The following TRPM3 variants were observed in gnomAD, a reference collection of about 807,000 sequenced individuals.
TRPM3 encodes long transient receptor potential channel 3.
Under a neutral mutation model 181.2 loss-of-function variants are expected in TRPM3, and 77 were observed. The observed-to-expected ratio is 0.42, with a 90% CI of 0.35 to 0.51. The LOEUF (loss-of-function observed/expected upper bound fraction) is 0.51. TRPM3 is among the 20% of genes least tolerant of loss of function. TRPM3 has a pLI of 0.01. For missense variants in TRPM3, 1,759 were observed against 2,196.7 expected (o/e 0.80, Z 3.98); for synonymous variants, 745 against 796.4 (o/e 0.94, Z 1.09).
chr9:70,988,079 A>G (rs1350219526), intron 1 of TRPM3, among the ~76,000 whole-genome samples: 1 of 152,192 alleles, frequency 6.6e-6, no homozygotes, highest in Non-Finnish European at 1.5e-5. Context: ...TGGTAAAGTA[A>G]GCAAGCTTAT....
chr9:71,287,776 C>T (rs559430864), intron 1 of TRPM3, among the ~76,000 whole-genome samples: 1 of 152,214 alleles, frequency 6.6e-6, no homozygotes, highest in East Asian at 1.9e-4. Context: ...TTCATTAACC[C>T]ATTTAATAAA....
intron 1 of TRPM3, among the ~76,000 whole-genome samples, chr9:71,042,784 A>C (rs73480105): frequency 0.059 from 8,948 of 152,254 alleles, 927 homozygotes; most frequent in African/African-American, 0.2. Context: ...AGTCCTTAAA[A>C]GGTTTTGAAT....
chr9:70,900,705 A>G (rs1432510746), intron 1 of TRPM3, among the ~76,000 whole-genome samples: 1 of 152,150 alleles, frequency 6.6e-6, no homozygotes, highest in Non-Finnish European at 1.5e-5. Flanking sequence ...TTACTACACA[A>G]CCTGACTATA....
intron 1 of TRPM3, among the ~76,000 whole-genome samples, chr9:71,151,315 C>T (rs530859232): frequency 2.6e-5 from 4 of 151,938 alleles, no homozygotes; most frequent in African/African-American, 9.6e-5. Context: ...ACCAACAATC[C>T]AAGAGAAAAA....
chr9:70,576,838 C>T (rs1220012469), intron 22 of TRPM3, among the ~76,000 whole-genome samples: 1 of 152,142 alleles, frequency 6.6e-6, no homozygotes, highest in Non-Finnish European at 1.5e-5. Flanking sequence ...AAACTCCAAT[C>T]ACACTGGCAT....
At chr9:71,433,355 T>A (rs142821616) in intron 1 of TRPM3, among the ~76,000 whole-genome samples, 91 of 152,326 alleles carry the variant, frequency 6.0e-4, no homozygotes, top group Non-Finnish European at 9.8e-4. Flanking sequence ...TCTGATGGTC[T>A]TATAATGGGC....
chr9:71,370,734 A>T (rs1049366409), intron 1 of TRPM3, among the ~76,000 whole-genome samples: 1 of 152,224 alleles, frequency 6.6e-6, no homozygotes. Context: ...ATTGAGGAAG[A>T]TGGCCACACT....
chr9:70,654,162 C>T (rs1322586962), intron 9 of TRPM3, among the ~76,000 whole-genome samples: 1 of 151,560 alleles, frequency 6.6e-6, no homozygotes, highest in Non-Finnish European at 1.5e-5. Context: ...ATTGCTTTTT[C>T]TCCCAAAATT....
intron 8 of TRPM3, among the ~76,000 whole-genome samples, chr9:70,696,494 A>C (rs1564036457): frequency 6.6e-6 from 1 of 152,206 alleles, no homozygotes; most frequent in Non-Finnish European, 1.5e-5. Context: ...AATCATAGGC[A>C]AAAGAGATAC....
At chr9:71,343,958 A>G (rs1289934681) in intron 1 of TRPM3, among the ~76,000 whole-genome samples, 2 of 152,172 alleles carry the variant, frequency 1.3e-5, no homozygotes, top group African/African-American at 4.8e-5. Context: ...TTGAGTATCA[A>G]AATAAATGAT....
intron 6 of TRPM3, chr9:70,811,344 T>A: frequency 1.0e-6 from 1 of 986,894 alleles, no homozygotes; most frequent in Non-Finnish European, 1.5e-6. Context: ...TTTATATACG[T>A]GATGGCAACT....
At chr9:71,196,165 ATATGTG>A (rs2078341711) in intron 1 of TRPM3, among the ~76,000 whole-genome samples, 1 of 89,018 alleles carries the variant, frequency 1.1e-5, no homozygotes, top group Non-Finnish European at 2.4e-5. Flanking sequence ...ACACACACGT[ATATGTG>A]TGTGTGTGTG....
intron 1 of TRPM3, among the ~76,000 whole-genome samples, chr9:71,346,992 C>T (rs1159876889): frequency 1.3e-5 from 2 of 152,156 alleles, no homozygotes; most frequent in Non-Finnish European, 2.9e-5. Context: ...ATTTCTGATA[C>T]GTTAGGAAAT....
intron 1 of TRPM3, among the ~76,000 whole-genome samples, chr9:70,915,293 A>G (rs2096580090): frequency 1.3e-5 from 2 of 151,892 alleles, no homozygotes; most frequent in Admixed American, 1.3e-4. Context: ...AAAATGCATC[A>G]GAGTCTTTTT....
At position 71,332,225 on chromosome 9, in the gene TRPM3, A is replaced by G. The variant is rs190070966; in HGVS notation, c.183+114428T>C. Among the ~76,000 whole-genome samples, 15 of 151,890 alleles carry G rather than the reference A, an allele frequency of 9.9e-5. No individual in the cohort carries two copies. The East Asian group carries it at 1.4e-3, about 14-fold the overall frequency. On this transcript the variant is annotated intron_variant, in intron 1 of 24. Transcript: ENST00000357533. ...TTTTGCTGCACTTTCGAGTTTTTAA[A>G]TATTATTTGTAGCTATTACAGAAAA...
intron 25 of TRPM3, among the ~76,000 whole-genome samples, chr9:70,540,528 C>CAA (rs1432544090): frequency 6.6e-6 from 1 of 151,906 alleles, no homozygotes; most frequent in African/African-American, 2.4e-5. Flanking sequence ...AGCTGATGCA[C>CAA]CAAAAACACG....
At chr9:70,538,903 C>A (rs1417661323) in intron 25 of TRPM3, among the ~76,000 whole-genome samples, 3 of 152,186 alleles carry the variant, frequency 2.0e-5, no homozygotes, top group Non-Finnish European at 2.9e-5. Context: ...CCTTATTTTT[C>A]ACTTGCTCAA....
chr9:70,591,382 A>G (rs2058082941), intron 21 of TRPM3, among the ~76,000 whole-genome samples, 177 bp from the exon 22 acceptor site: 1 of 152,190 alleles, frequency 6.6e-6, no homozygotes, highest in South Asian at 2.1e-4. Flanking sequence ...TGTTGAAGCC[A>G]GTGTCCACAG....
At chr9:70,626,973 G>A (rs954599198) in intron 12 of TRPM3, among the ~76,000 whole-genome samples, 3 of 152,234 alleles carry the variant, frequency 2.0e-5, no homozygotes, top group East Asian at 1.9e-4. Flanking sequence ...CATATGGTGG[G>A]CACTCAGAGT....
Sources: allele counts gnomAD v4.1 joint callset (sites outside exome capture counted in the v4.1 genomes callset), GRCh38; gene constraint gnomAD v4.1.1; transcripts MANE v1.5; gene names NCBI Gene and HGNC (gene_info 2026-07-23, HGNC 2026-07-21).